Variants in APOL5 observed in about 807,000 individuals in gnomAD.
APOL5 encodes the protein apolipoprotein L, 5.
A neutral mutation model predicts 35.5 loss-of-function variants in APOL5; 29 were observed. The observed-to-expected ratio is 0.82, with a 90% CI of 0.61 to 1.11. The LOEUF (loss-of-function observed/expected upper bound fraction) is 1.11, where lower values mean the gene tolerates loss of function less well. Among genes scored for constraint, APOL5 ranks in the 50% most tolerant of loss-of-function variants. The pLI, the probability that APOL5 is intolerant of heterozygous loss-of-function variation, is 0.00. For missense variants in APOL5, 514 were observed against 530.4 expected (o/e 0.97, Z 0.30); for synonymous variants, 188 against 200.2 (o/e 0.94, Z 0.51).
upstream of APOL5, among the ~76,000 whole-genome samples, chr22:35,715,203 A>G (rs1004908884): frequency 6.6e-6 from 1 of 152,118 alleles, no homozygotes; most frequent in Admixed American, 6.6e-5. Flanking sequence ...CACTCCCGCT[A>G]TATGATCATC....
the APOL5 span, among the ~76,000 whole-genome samples, chr22:35,711,255 T>C: frequency 6.6e-6 from 1 of 152,198 alleles, no homozygotes; most frequent in African/African-American, 2.4e-5. Flanking sequence ...ATGATGTGTA[T>C]ATATCACCTT....
chr22:35,715,806 G>T (rs904160472), upstream of APOL5, among the ~76,000 whole-genome samples: 2 of 152,174 alleles, frequency 1.3e-5, no homozygotes, highest in Non-Finnish European at 2.9e-5. Context: ...TCAAGGTGAA[G>T]CTCCGGGCTG....
chr22:35,727,970 C>T (rs541433982), intron 3 of APOL5, among the ~76,000 whole-genome samples: 3 of 152,314 alleles, frequency 2.0e-5, no homozygotes, highest in East Asian at 1.9e-4. Context: ...ACCTGAAACC[C>T]GGGAAAAGGA....
chr22:35,709,338 C>T, the APOL5 span, among the ~76,000 whole-genome samples: 7 of 151,582 alleles, frequency 4.6e-5, no homozygotes, highest in African/African-American at 1.5e-4. Flanking sequence ...CCAAAAAAAT[C>T]ATACTAAGGT....
intron 2 of APOL5, among the ~76,000 whole-genome samples, chr22:35,722,265 A>G (rs1399938355): frequency 6.6e-6 from 1 of 152,150 alleles, no homozygotes; most frequent in African/African-American, 2.4e-5. Flanking sequence ...GAAAGGGATG[A>G]TTTTTCCTAT....
the APOL5 span, among the ~76,000 whole-genome samples, chr22:35,712,190 G>A: frequency 6.6e-6 from 1 of 151,676 alleles, no homozygotes; most frequent in African/African-American, 2.4e-5. Flanking sequence ...TTTTATTTTT[G>A]TGGAGACAGG....
chr22:35,715,517 AC>A (rs1926718103), upstream of APOL5, among the ~76,000 whole-genome samples: 3 of 152,116 alleles, frequency 2.0e-5, no homozygotes, highest in South Asian at 6.2e-4. Context: ...GTGGTGGTGC[AC>A]ACCTATAATC....
At chr22:35,721,964 G>T (rs986057686) in intron 2 of APOL5, among the ~76,000 whole-genome samples, 1 of 152,216 alleles carries the variant, frequency 6.6e-6, no homozygotes, top group Non-Finnish European at 1.5e-5. Context: ...CAAATGGGTT[G>T]CCTGCGCTTT....
At chr22:35,718,593 C>CAAAA (rs58513283) in intron 1 of APOL5, among the ~76,000 whole-genome samples, 19 of 97,024 alleles carry the variant, frequency 2.0e-4, no homozygotes, top group African/African-American at 4.6e-4. Context: ...GACCCCGTCT[C>CAAAA]AAAAAAAAAA....
rs147690523 is a variant in APOL5 at position 35,728,749 on chromosome 22, G to A, written c.1153G>A (p.Val385Ile). Residue 385 changes from valine to isoleucine, a missense_variant, in exon 4 of 5, where the codon GTT becomes ATT. Around this residue, in one of 3 missense-constraint regions of APOL5, gnomAD observed 238 missense variants for 229.1 expected, o/e 1.04. Coordinates refer to ENST00000249044, the MANE Select transcript of APOL5 (RefSeq NM_030642.1). ...EGSRSPLPWP[V>I]VEHQPRLGPG... ...GTCTCGCTCACCTCTCCCCTGGCCT[G>A]TTGTGGAGCACCAGCCTAGGCTGGG... The A allele has an allele frequency of 1.7e-5, 28 of 1,613,100 alleles. 1 individual carries two copies. In the African/African-American group the frequency reaches 3.3e-4, roughly 19 times the overall value.
chr22:35,715,663 A>T (rs917183568), upstream of APOL5, among the ~76,000 whole-genome samples: 2 of 152,090 alleles, frequency 1.3e-5, no homozygotes, highest in African/African-American at 4.8e-5. Context: ...ATAAATATAT[A>T]CATACATACA....
chr22:35,712,863 T>C, the APOL5 span, among the ~76,000 whole-genome samples: 2 of 152,216 alleles, frequency 1.3e-5, no homozygotes, highest in Non-Finnish European at 2.9e-5. Flanking sequence ...GGTGGAGTCT[T>C]TTCCCCTCTC....
At position 35,728,757 on chromosome 22, in the gene APOL5, G is replaced by A; in HGVS notation, c.1161G>A (p.Glu387=). 3 of 1,613,476 alleles carry A rather than the reference G, an allele frequency of 1.9e-6. No homozygotes were observed. Among genetic ancestry groups the A allele is most frequent in the Non-Finnish European group, 2.5e-6 (3 of 1,179,790 alleles). The part of the protein sequence containing the change: ...SRSPLPWPVV[E]HQPRLGPGVA... ...CACCTCTCCCCTGGCCTGTTGTGGA[G>A]CACCAGCCTAGGCTGGGCCCTGGCG... The change falls in exon 4 of 5, where the codon GAG becomes GAA. Residue 387 remains glutamate (E), a synonymous_variant. Coordinates refer to ENST00000249044, the MANE Select transcript of APOL5 (RefSeq NM_030642.1).
upstream of APOL5, among the ~76,000 whole-genome samples, chr22:35,713,363 A>G (rs1926645048): frequency 6.6e-6 from 1 of 152,170 alleles, no homozygotes; most frequent in African/African-American, 2.4e-5. Context: ...GAGAGGCTTG[A>G]CAGCGAAAGA....
chr22:35,714,343 AT>A (rs1926678070), upstream of APOL5, among the ~76,000 whole-genome samples: 1 of 152,150 alleles, frequency 6.6e-6, no homozygotes, highest in Non-Finnish European at 1.5e-5. Flanking sequence ...AATCTGCGTT[AT>A]CCCTCTGGGC....
At chr22:35,711,403 C>G in the APOL5 span, among the ~76,000 whole-genome samples, 2 of 151,642 alleles carry the variant, frequency 1.3e-5, no homozygotes, top group East Asian at 3.9e-4. Context: ...ATATATATAC[C>G]CAGAAGTGGA....
At chr22:35,713,596 GA>G (rs1322577060), upstream of APOL5, among the ~76,000 whole-genome samples, 1 of 152,174 alleles carries the variant, frequency 6.6e-6, no homozygotes, top group African/African-American at 2.4e-5. Context: ...TCGCCTCTCT[GA>G]ATGACTGTGG....
chr22:35,720,520 G>A (rs1926931172), intron 1 of APOL5, 48 bp from the exon 2 acceptor site: 1 of 1,565,696 alleles, frequency 6.4e-7, no homozygotes, highest in Non-Finnish European at 8.8e-7. Flanking sequence ...GTCTTTTCGG[G>A]CTGAGATGAC....
chr22:35,718,053 A>T, intron 1 of APOL5, 127 bp downstream of exon 1: 2 of 656,448 alleles, frequency 3.0e-6, no homozygotes, highest in Non-Finnish European at 4.5e-6. Flanking sequence ...GAGATATAGC[A>T]GATCCTTGGT....
Sources: gnomAD v4.1 joint callset for allele counts (sites outside exome capture counted in the v4.1 genomes callset) on GRCh38, gnomAD v4.1.1 for gene constraint, gnomAD v4.1.1 regional missense constraint, MANE v1.5 for transcripts, NCBI Gene and HGNC (gene_info 2026-07-23, HGNC 2026-07-21) for gene names.